The following PKP4 variants were observed in gnomAD, a reference collection of about 807,000 sequenced individuals.
PKP4 encodes plakophilin-4.
In PKP4, 90 loss-of-function variants were observed where a neutral mutation model predicts 145.1. That is an observed-to-expected ratio of 0.62 (90% CI 0.52 to 0.74). The LOEUF is 0.74. Ranked by LOEUF, PKP4 falls within the 30% of genes least tolerant of loss-of-function variation. The probability of loss-of-function intolerance (pLI) is 0.00; values close to 1 mark genes in which losing one functional copy is unlikely to be tolerated. For missense variants in PKP4, 1,340 were observed against 1,482.7 expected, an observed-to-expected ratio of 0.90 and a Z score of 1.58; for synonymous variants, 563 against 577.2, an observed-to-expected ratio of 0.98 and a Z score of 0.35.
chr2:158,523,397 T>C (rs1215417622), intron 1 of PKP4, among the ~76,000 whole-genome samples: 1 of 106,654 alleles, frequency 9.4e-6, no homozygotes, highest in Admixed American at 1.1e-4. Context: ...GGCAGGGTAT[T>C]CCAACAGACC....
At chr2:158,623,827 C>G (rs1281652428) in intron 6 of PKP4, among the ~76,000 whole-genome samples, 1 of 152,206 alleles carries the variant, frequency 6.6e-6, no homozygotes, top group African/African-American at 2.4e-5. Context: ...GCAGCCTGGT[C>G]CTAGTCTTCT....
intron 15 of PKP4, among the ~76,000 whole-genome samples, chr2:158,664,696 T>G (rs974926811): frequency 6.6e-6 from 1 of 152,208 alleles, no homozygotes; most frequent in African/African-American, 2.4e-5. Flanking sequence ...TGGCTCCTAG[T>G]TAAAGTGCCA....
At chr2:158,609,444 T>C (rs936166251) in intron 4 of PKP4, among the ~76,000 whole-genome samples, 14 of 152,228 alleles carry the variant, frequency 9.2e-5, no homozygotes, top group Non-Finnish European at 1.9e-4. Flanking sequence ...CACAAAAGGA[T>C]TTAGGATTGA....
At chr2:158,586,678 A>G (rs1008599770) in intron 3 of PKP4, among the ~76,000 whole-genome samples, 9 of 152,244 alleles carry the variant, frequency 5.9e-5, no homozygotes, top group Non-Finnish European at 8.8e-5. Context: ...AGAGTTCCAC[A>G]TCTGAAAGAT....
chr2:158,656,172 C>G (rs2055897575), intron 11 of PKP4, among the ~76,000 whole-genome samples: 1 of 152,126 alleles, frequency 6.6e-6, no homozygotes, highest in South Asian at 2.1e-4. Context: ...CCAATTCTTC[C>G]TCAGTTCCTC....
chr2:158,532,126 A>C (rs1310861479), intron 1 of PKP4, among the ~76,000 whole-genome samples: 1 of 152,222 alleles, frequency 6.6e-6, no homozygotes, highest in East Asian at 1.9e-4. Flanking sequence ...GTCCCAGATC[A>C]AGCTATAGAA....
intron 3 of PKP4, among the ~76,000 whole-genome samples, chr2:158,579,418 G>A (rs2048134427): frequency 6.7e-6 from 1 of 149,692 alleles, no homozygotes; most frequent in African/African-American, 2.5e-5. Context: ...TGTTCGTCAT[G>A]TATTTCCAAA....
At chr2:158,507,446 A>G (rs895545049) in intron 1 of PKP4, among the ~76,000 whole-genome samples, 11 of 152,324 alleles carry the variant, frequency 7.2e-5, no homozygotes, top group African/African-American at 2.6e-4. Context: ...CCGTGAAACC[A>G]GGACTCGGTC....
intron 11 of PKP4, among the ~76,000 whole-genome samples, chr2:158,644,047 T>TAA (rs2054592916): frequency 2.0e-5 from 3 of 152,144 alleles, no homozygotes; most frequent in Admixed American, 2.0e-4. Flanking sequence ...ATTACAGGTG[T>TAA]GAGCCACTGC....
At chr2:158,524,421 C>T (rs2042746464) in intron 1 of PKP4, among the ~76,000 whole-genome samples, 1 of 119,746 alleles carries the variant, frequency 8.4e-6, no homozygotes, top group Non-Finnish European at 1.7e-5. Context: ...ACTTTACAGA[C>T]AAGCAAATGC....
At chr2:158,518,576 A>G (rs2042111065) in intron 1 of PKP4, among the ~76,000 whole-genome samples, 1 of 152,222 alleles carries the variant, frequency 6.6e-6, no homozygotes, top group Admixed American at 6.5e-5. Flanking sequence ...CACAGAAGGT[A>G]TGTAGGTTTA....
chr2:158,631,903 T>C lies in PKP4; in HGVS notation c.1304T>C (p.Leu435Pro), dbSNP rs201501757. The C allele has an allele frequency of 9.9e-6, 16 of 1,614,036 alleles. No homozygotes were observed. The highest frequency in any genetic ancestry group is 1.4e-5 in the Non-Finnish European group (16 of 1,179,998). The change falls in exon 8 of 22, where the codon CTC (leucine) becomes CCC (proline). Residue 435 changes from leucine to proline, a missense_variant. Transcript: ENST00000389759. ...YRSPNHGTVE[L>P]QGSQTALYRT... The stretch of plus-strand genomic sequence containing the variant: ...AGCCCAAACCATGGAACTGTGGAGC[T>C]CCAAGGATCGCAGACGGCGTTGTAT...
chr2:158,534,614 A>G (rs558924821), intron 2 of PKP4, among the ~76,000 whole-genome samples: 1 of 152,336 alleles, frequency 6.6e-6, no homozygotes, highest in Non-Finnish European at 1.5e-5. Context: ...CTCTTAGTAT[A>G]TACTGTGTTT....
At position 158,568,470 on chromosome 2, in the gene PKP4, G is replaced by A. The variant is rs371134127; in HGVS notation, c.133-8801G>A. Among the ~76,000 whole-genome samples the A allele has an allele frequency of 5.3e-5, 8 of 152,234 alleles. No individual in the cohort carries two copies. In the East Asian group the frequency reaches 1.5e-3, roughly 29 times the overall value. ...CCGTGCAGAAATAGACAACACAGTA[G>A]GTGGGGAAGTATGGGAGAGGAGAGA... On this transcript the variant is annotated intron_variant, in intron 2 of 21. Transcript: ENST00000389759.
chr2:158,573,166 A>G (rs992264223), intron 2 of PKP4, among the ~76,000 whole-genome samples: 1 of 152,152 alleles, frequency 6.6e-6, no homozygotes, highest in African/African-American at 2.4e-5. Context: ...ATGGAATACT[A>G]TTGGGCAGTG....
At chr2:158,576,013 T>C (rs1380873536) in intron 2 of PKP4, among the ~76,000 whole-genome samples, 1 of 152,204 alleles carries the variant, frequency 6.6e-6, no homozygotes, top group Non-Finnish European at 1.5e-5. Context: ...TACAGCATTA[T>C]TGAGCCAGCT....
intron 3 of PKP4, among the ~76,000 whole-genome samples, chr2:158,588,494 T>C (rs543076570): frequency 3.9e-5 from 6 of 152,312 alleles, no homozygotes; most frequent in Non-Finnish European, 5.9e-5. Context: ...TGATGTTGTT[T>C]GCTCATTTTT....
chr2:158,651,438 C>T (rs961228499), intron 11 of PKP4, among the ~76,000 whole-genome samples: 1 of 69,992 alleles, frequency 1.4e-5, no homozygotes, highest in Non-Finnish European at 4.1e-5. Context: ...CCATTGGCCT[C>T]ACCCCCTCCC....
At chr2:158,640,130 T>G (rs2054148762) in intron 9 of PKP4, among the ~76,000 whole-genome samples, 1 of 152,236 alleles carries the variant, frequency 6.6e-6, no homozygotes, top group Admixed American at 6.5e-5. Flanking sequence ...TGTTTCTGTG[T>G]TATACTCAAG....
Sources: gnomAD v4.1 joint callset for allele counts (sites outside exome capture counted in the v4.1 genomes callset) on GRCh38, gnomAD v4.1.1 for gene constraint, MANE v1.5 for transcripts, NCBI Gene and HGNC (gene_info 2026-07-23, HGNC 2026-07-21) for gene names.